GRAP2: variants seen among roughly 807,000 people sequenced by gnomAD.
GRAP2 encodes GRB2-related adapter protein 2.
In GRAP2, 31 loss-of-function variants were observed where a neutral mutation model predicts 43.5. That is an observed-to-expected ratio of 0.71 (90% CI 0.54 to 0.96). The LOEUF (loss-of-function observed/expected upper bound fraction) is 0.96. Ranked by LOEUF, GRAP2 falls within the 40% of genes least tolerant of loss-of-function variation. The probability of loss-of-function intolerance (pLI) is 0.00; values close to 1 mark genes in which losing one functional copy is unlikely to be tolerated. For synonymous variants in GRAP2, 156 were observed against 164.8 expected (o/e 0.95, Z 0.41); for missense variants, 371 against 424.4 (o/e 0.87, Z 1.11).
intron 2 of GRAP2, among the ~76,000 whole-genome samples, chr22:39,955,333 G>A (rs1199870049): frequency 6.6e-6 from 1 of 151,918 alleles, no homozygotes; most frequent in Non-Finnish European, 1.5e-5. Context: ...ACTCCAGCCT[G>A]GCGACAGAGC....
rs1453874322 is a variant in GRAP2 at position 39,971,206 on chromosome 22, C to T, written c.*122C>T. On this transcript the variant is annotated 3_prime_UTR_variant, in exon 8 of 8. Transcript: ENST00000344138. ...ATCTACATCTGCCTGTGTACACACA[C>T]AACTTTTTATACTAGTAATTTATTG... 1.3e-5 allele frequency: 9 copies of T among 706,300 alleles called. No homozygotes were observed. The highest frequency in any genetic ancestry group is 1.8e-5 in the Non-Finnish European group (8 of 435,892). The allele number at this position is 706,300 out of a possible 1,614,324, so 43.8% of individuals were successfully genotyped here.
intron 2 of GRAP2, among the ~76,000 whole-genome samples, chr22:39,952,203 T>G (rs999738297): frequency 1.3e-5 from 2 of 151,926 alleles, no homozygotes; most frequent in Non-Finnish European, 2.9e-5. Flanking sequence ...ATTTTTGTCT[T>G]TATGGTAGAG....
intron 4 of GRAP2, chr22:39,964,596 T>C: frequency 1.3e-6 from 1 of 763,530 alleles, no homozygotes; most frequent in South Asian, 1.4e-5. Context: ...AAGGAGACGG[T>C]GACCCTTTAT....
chr22:39,939,765 G>A (rs947473269), intron 1 of GRAP2, among the ~76,000 whole-genome samples: 4 of 151,806 alleles, frequency 2.6e-5, no homozygotes, highest in Admixed American at 6.6e-5. Flanking sequence ...AAAAATTAGC[G>A]GACCGTGGTG....
chr22:39,967,296 G>A (rs1046834155), intron 5 of GRAP2, among the ~76,000 whole-genome samples: 1 of 152,170 alleles, frequency 6.6e-6, no homozygotes, highest in Admixed American at 6.5e-5. Context: ...CCAAGACCTT[G>A]TGAATCACTC....
upstream of GRAP2, among the ~76,000 whole-genome samples, chr22:39,897,828 G>A (rs2066472098): frequency 6.6e-6 from 1 of 151,938 alleles, no homozygotes; most frequent in Admixed American, 6.6e-5. Context: ...CCAACAGTAG[G>A]CTCCTAACTG....
At chr22:39,912,550 G>GGTCCTACT (rs2066574546) in intron 1 of GRAP2, among the ~76,000 whole-genome samples, 1 of 152,210 alleles carries the variant, frequency 6.6e-6, no homozygotes. Flanking sequence ...TCCTACTGGT[G>GGTCCTACT]GGTAGAAGCT....
intron 1 of GRAP2, among the ~76,000 whole-genome samples, chr22:39,923,453 G>A (rs1026746517): frequency 1.3e-5 from 2 of 152,164 alleles, no homozygotes; most frequent in Non-Finnish European, 2.9e-5. Flanking sequence ...TGAGATGCTA[G>A]CATTATTTCA....
chr22:39,901,615 C>T (rs923259214), intron 1 of GRAP2, among the ~76,000 whole-genome samples: 1 of 152,130 alleles, frequency 6.6e-6, no homozygotes, highest in Admixed American at 6.5e-5. Context: ...GAAAGATTTT[C>T]GACCTTGGGA....
upstream of GRAP2, among the ~76,000 whole-genome samples, chr22:39,897,393 C>T (rs1277082757): frequency 2.0e-5 from 3 of 152,056 alleles, no homozygotes; most frequent in Admixed American, 6.6e-5. Context: ...GATACAATAA[C>T]ATTATCTATG....
chr22:39,917,920 G>A (rs542494313), intron 1 of GRAP2, among the ~76,000 whole-genome samples: 1 of 152,260 alleles, frequency 6.6e-6, no homozygotes, highest in South Asian at 2.1e-4. Flanking sequence ...TGCTTTCTTA[G>A]AACTCTTCTT....
chr22:39,895,404 T>G, the GRAP2 span, among the ~76,000 whole-genome samples: 138 of 152,274 alleles, frequency 9.1e-4, no homozygotes, highest in Non-Finnish European at 1.1e-3. Flanking sequence ...TGGAATATTA[T>G]TTGACTGGCT....
At chr22:39,902,045 T>C (rs2066496897) in intron 1 of GRAP2, among the ~76,000 whole-genome samples, 1 of 152,182 alleles carries the variant, frequency 6.6e-6, no homozygotes, top group South Asian at 2.1e-4. Flanking sequence ...AGGTATACTG[T>C]CAAAAAAAAT....
intron 1 of GRAP2, among the ~76,000 whole-genome samples, chr22:39,914,905 T>C (rs2145580373): frequency 6.6e-6 from 1 of 152,232 alleles, no homozygotes; most frequent in East Asian, 1.9e-4. Context: ...ATATTCATTT[T>C]AGGCCAGGCA....
chr22:39,926,898 C>G (rs1158341586), intron 1 of GRAP2: 4 of 963,758 alleles, frequency 4.2e-6, no homozygotes, highest in Non-Finnish European at 4.9e-6. Context: ...GGAAGGGAGA[C>G]TGCAGAAAGA....
chr22:39,919,154 A>G (rs943131162), intron 1 of GRAP2, among the ~76,000 whole-genome samples: 14 of 152,176 alleles, frequency 9.2e-5, no homozygotes, highest in Admixed American at 7.2e-4. Context: ...TAAAAATAAA[A>G]ATAAATAGAA....
chr22:39,967,806 T>A (rs1159332521), intron 5 of GRAP2, among the ~76,000 whole-genome samples: 1 of 151,994 alleles, frequency 6.6e-6, no homozygotes, highest in Non-Finnish European at 1.5e-5. Context: ...AGGCAAAAAG[T>A]GTTAGTCTGT....
intron 1 of GRAP2, among the ~76,000 whole-genome samples, chr22:39,932,697 C>T (rs2066768309): frequency 6.8e-6 from 1 of 147,212 alleles, no homozygotes; most frequent in Admixed American, 6.8e-5. Context: ...CAGCCTGGGC[C>T]ACAGAATGAT....
At chr22:39,917,972 C>A (rs2066616449) in intron 1 of GRAP2, among the ~76,000 whole-genome samples, 1 of 152,154 alleles carries the variant, frequency 6.6e-6, no homozygotes, top group African/African-American at 2.4e-5. Context: ...CAACCAAAAC[C>A]AAAATAATAC....
Sources: allele counts gnomAD v4.1 joint callset (sites outside exome capture counted in the v4.1 genomes callset), GRCh38; gene constraint gnomAD v4.1.1; transcripts MANE v1.5; gene names NCBI Gene and HGNC (gene_info 2026-07-23, HGNC 2026-07-21).